Variants in LRFN2 observed in about 807,000 individuals in gnomAD.
LRFN2 encodes the protein leucine-rich repeat and fibronectin type-III domain-containing protein 2.
In LRFN2, 18 loss-of-function variants were observed where a neutral mutation model predicts 37.3. The observed-to-expected ratio is 0.48, with a 90% CI of 0.33 to 0.72. The LOEUF is 0.72. Ranked by LOEUF, LRFN2 falls within the 30% of genes least tolerant of loss-of-function variation. LRFN2 has a pLI of 0.02. For missense variants in LRFN2, 1,006 were observed against 1,060.7 expected, an observed-to-expected ratio of 0.95 and a Z score of 0.72; for synonymous variants, 556 against 466.6, an observed-to-expected ratio of 1.19 and a Z score of -2.47.
chr6:40,451,068 C>T (rs1764092455), intron 1 of LRFN2, among the ~76,000 whole-genome samples: 1 of 152,174 alleles, frequency 6.6e-6, no homozygotes, highest in Non-Finnish European at 1.5e-5. Flanking sequence ...AAGAGAAGTG[C>T]ACTAAGGGAA....
intron 1 of LRFN2, among the ~76,000 whole-genome samples, chr6:40,467,918 G>C (rs987588298): frequency 2.6e-5 from 4 of 152,126 alleles, no homozygotes; most frequent in Non-Finnish European, 5.9e-5. Context: ...AAGAGACCTA[G>C]TCCTTGTCAT....
At chr6:40,399,415 CTTTTTCTTTTCT>C (rs1762685711) in intron 2 of LRFN2, among the ~76,000 whole-genome samples, 2 of 145,164 alleles carry the variant, frequency 1.4e-5, no homozygotes, top group South Asian at 4.4e-4. Context: ...AATTCTCTTT[CTTTTTCTTTTCT>C]TTTTTTTTTT....
intron 1 of LRFN2, among the ~76,000 whole-genome samples, chr6:40,536,753 C>T (rs1307077315): frequency 2.0e-5 from 3 of 152,160 alleles, no homozygotes; most frequent in African/African-American, 7.2e-5. Flanking sequence ...AGAAGAATTG[C>T]CAGACAGAGG....
At chr6:40,482,853 A>C (rs1394807716) in intron 1 of LRFN2, among the ~76,000 whole-genome samples, 1 of 152,196 alleles carries the variant, frequency 6.6e-6, no homozygotes, top group East Asian at 1.9e-4. Flanking sequence ...CAGATAAGTG[A>C]CAGTAATGGG....
Position 40,405,702 on chromosome 6 carries a change from T to C in LRFN2, c.1401-12790A>G, listed in dbSNP as rs192329668. On this transcript the variant is annotated intron_variant, in intron 2 of 2. Transcript: ENST00000338305. ...CAGGGAGGCATCTTGGCTTCAATAC[T>C]TGCAGCAGAATGGGTCCCCCCTCCA... Among the ~76,000 whole-genome samples, 9 of 152,230 alleles carry C rather than the reference T, an allele frequency of 5.9e-5. No homozygotes were observed. The East Asian group carries it at 1.7e-3, about 29-fold the overall frequency.
At chr6:40,522,515 C>T (rs1163426496) in intron 1 of LRFN2, among the ~76,000 whole-genome samples, 1 of 152,170 alleles carries the variant, frequency 6.6e-6, no homozygotes, top group Non-Finnish European at 1.5e-5. Flanking sequence ...CTGCACACAG[C>T]TCTAAGAGGA....
chr6:40,505,330 T>C (rs77438667), intron 1 of LRFN2, among the ~76,000 whole-genome samples: 1,587 of 152,298 alleles, frequency 0.01, 27 homozygotes, highest in African/African-American at 0.036. Context: ...CCTCTAAATA[T>C]ACATTTTCAC....
At chr6:40,522,459 G>A (rs1392082220) in intron 1 of LRFN2, among the ~76,000 whole-genome samples, 3 of 152,172 alleles carry the variant, frequency 2.0e-5, no homozygotes, top group African/African-American at 2.4e-5. Flanking sequence ...GTATGAGGGT[G>A]TGGATTCCTG....
At chr6:40,538,705 G>C (rs970592605) in intron 1 of LRFN2, among the ~76,000 whole-genome samples, 22 of 152,316 alleles carry the variant, frequency 1.4e-4, no homozygotes, top group Non-Finnish European at 2.5e-4. Flanking sequence ...ACGTGTGTCT[G>C]ACGCAGGGCG....
intron 1 of LRFN2, among the ~76,000 whole-genome samples, chr6:40,569,132 G>A (rs990711880): frequency 1.3e-5 from 2 of 152,216 alleles, no homozygotes; most frequent in Admixed American, 6.5e-5. Context: ...AACAATTAGG[G>A]AGAGATAGCT....
intron 1 of LRFN2, among the ~76,000 whole-genome samples, chr6:40,468,854 A>G (rs187954537): frequency 2.6e-5 from 4 of 152,142 alleles, no homozygotes; most frequent in Non-Finnish European, 4.4e-5. Flanking sequence ...GGCCCTATGT[A>G]TCCTCCCGGT....
intron 2 of LRFN2, among the ~76,000 whole-genome samples, chr6:40,412,832 A>G (rs1763002578): frequency 6.6e-6 from 1 of 152,214 alleles, no homozygotes; most frequent in South Asian, 2.1e-4. Flanking sequence ...AGTATGTTAG[A>G]AAGTGGACTG....
intron 1 of LRFN2, among the ~76,000 whole-genome samples, chr6:40,457,568 G>A (rs1307452220): frequency 6.8e-6 from 1 of 147,682 alleles, no homozygotes; most frequent in Non-Finnish European, 1.5e-5. Flanking sequence ...GAGCCTAGGA[G>A]GTTAAGGCTG....
intron 1 of LRFN2, among the ~76,000 whole-genome samples, chr6:40,525,902 G>C (rs528233745): frequency 3.3e-5 from 5 of 152,138 alleles, no homozygotes; most frequent in African/African-American, 1.2e-4. Context: ...TTCCATTTCT[G>C]TGCTGAAATG....
At chr6:40,553,345 G>GA (rs1766812803) in intron 1 of LRFN2, among the ~76,000 whole-genome samples, 1 of 152,114 alleles carries the variant, frequency 6.6e-6, no homozygotes, top group South Asian at 2.1e-4. Flanking sequence ...CCCAGCAGAG[G>GA]AAAAACAAAT....
chr6:40,430,854 G>A (rs986789699), intron 2 of LRFN2, among the ~76,000 whole-genome samples: 14 of 152,142 alleles, frequency 9.2e-5, no homozygotes, highest in African/African-American at 3.4e-4. Context: ...GCGCTCAATT[G>A]GGAAAGGGAA....
intron 1 of LRFN2, among the ~76,000 whole-genome samples, chr6:40,504,733 C>T (rs1200088648): frequency 2.0e-5 from 3 of 152,124 alleles, no homozygotes; most frequent in East Asian, 1.9e-4. Flanking sequence ...GAGTGAGTCA[C>T]GGCCAGCCTC....
intron 1 of LRFN2, among the ~76,000 whole-genome samples, chr6:40,522,468 T>C (rs1376123550): frequency 2.0e-5 from 3 of 152,108 alleles, no homozygotes; most frequent in Admixed American, 6.5e-5. Context: ...TGTGGATTCC[T>C]GGGGGAAGTG....
At chr6:40,472,434 CAG>C (rs2113857916) in intron 1 of LRFN2, among the ~76,000 whole-genome samples, 1 of 152,356 alleles carries the variant, frequency 6.6e-6, no homozygotes, top group South Asian at 2.1e-4. Flanking sequence ...AGCAGCAACT[CAG>C]AAGAAGTGGG....
Sources: allele counts gnomAD v4.1 joint callset (sites outside exome capture counted in the v4.1 genomes callset), GRCh38; gene constraint gnomAD v4.1.1; transcripts MANE v1.5; gene names NCBI Gene and HGNC (gene_info 2026-07-23, HGNC 2026-07-21).